Variants in AFF2 observed in about 807,000 individuals in gnomAD.
AFF2 encodes ALF transcription elongation factor 2.
Under a neutral mutation model 76.9 loss-of-function variants are expected in AFF2, and 14 were observed. The observed-to-expected ratio is 0.18, with a 90% confidence interval of 0.12 to 0.28. The LOEUF (loss-of-function observed/expected upper bound fraction) is 0.28. AFF2 is among the 10% of genes least tolerant of loss of function. The pLI is 1.00. For missense variants in AFF2, 868 were observed against 1,001.1 expected (o/e 0.87, Z 1.79); for synonymous variants, 398 against 366.7 (o/e 1.09, Z -0.98).
At chrX:148,766,288 C>G (rs1557267720) in intron 3 of AFF2, among the ~76,000 whole-genome samples, 1 of 109,797 alleles carries the variant, frequency 9.1e-6, no homozygotes, top group African/African-American at 3.3e-5. Flanking sequence ...ACACTGACTT[C>G]CACAATGGTT....
At chrX:148,807,740 T>G (rs781824857) in intron 3 of AFF2, among the ~76,000 whole-genome samples, 15 of 112,792 alleles carry the variant, frequency 1.3e-4, no homozygotes, top group Non-Finnish European at 2.2e-4. Flanking sequence ...AAGCCTTTCT[T>G]ATAATCCTTT....
intron 3 of AFF2, among the ~76,000 whole-genome samples, chrX:148,668,475 C>T (rs1243674805): frequency 6.2e-5 from 7 of 112,598 alleles, no homozygotes; most frequent in African/African-American, 2.3e-4. Context: ...ATGGGGGCCC[C>T]GCCTCTGCAG....
chrX:148,783,049 C>T lies in AFF2; in HGVS notation c.1042-26827C>T, dbSNP rs2069765127. ...TGCTCCAGCCTTCATTTCTGATTCA[C>T]TGTGTTAGGGAGCAAATAACATTGA... On this transcript the variant is annotated intron_variant, in intron 3 of 20. Transcript: ENST00000370460. Among the ~76,000 whole-genome samples, 3 of 111,962 alleles carry T rather than the reference C, an allele frequency of 2.7e-5. No individual in the cohort carries two copies. The Admixed American group carries it at 2.8e-4, about 11-fold the overall frequency.
chrX:148,956,672 C>G (rs1409965553), intron 11 of AFF2, 59 bp downstream of exon 11: 1 of 1,078,002 alleles, frequency 9.3e-7, no homozygotes, highest in African/African-American at 1.9e-5. Context: ...TGTTGTCTAA[C>G]TTGATCTTGA....
chrX:148,787,312 CTGTGTG>C (rs370207937), intron 3 of AFF2, among the ~76,000 whole-genome samples: 22 of 108,131 alleles, frequency 2.0e-4, no homozygotes, highest in East Asian at 1.7e-3. Flanking sequence ...AACATTGCGG[CTGTGTG>C]TGTGTGTGTG....
chrX:148,719,069 G>A, intron 3 of AFF2: 1 of 1,072,357 alleles, frequency 9.3e-7, no homozygotes, highest in East Asian at 3.4e-5. Flanking sequence ...ACAGTTTTGG[G>A]GCAGTCTGGG....
chrX:148,891,722 T>C (rs1244239785), intron 8 of AFF2, among the ~76,000 whole-genome samples: 2 of 111,490 alleles, frequency 1.8e-5, no homozygotes, highest in East Asian at 5.7e-4. Context: ...TTGTGATGCC[T>C]GGGTTCTGAA....
chrX:148,993,295 T>C lies in AFF2; in HGVS notation c.*1963T>C, dbSNP rs2072555208. 3 of 112,772 alleles carry C rather than the reference T, an allele frequency of 2.7e-5. No individual in the cohort carries two copies. Among genetic ancestry groups the C allele is most frequent in the Non-Finnish European group, 5.6e-5 (3 of 53,311 alleles). 9.3% of individuals were successfully genotyped at this position (112,772 alleles called of 1,213,427 possible). ...CATCCAAACACTCACAAATGAAACCTGAAAGAATCTTTTCTGAGCCTCTTA... is the reference window on the plus strand; with the variant it reads ...CATCCAAACACTCACAAATGAAACCCGAAAGAATCTTTTCTGAGCCTCTTA... On this transcript the variant is annotated 3_prime_UTR_variant, in exon 21 of 21. Coordinates refer to ENST00000370460, the MANE Select transcript of AFF2 (RefSeq NM_002025.4).
chrX:148,649,741 C>T (rs1036852066), intron 1 of AFF2, among the ~76,000 whole-genome samples: 1 of 111,992 alleles, frequency 8.9e-6, no homozygotes, highest in African/African-American at 3.2e-5. Flanking sequence ...AGCTGAAGCA[C>T]GTTTCCTTTT....
At chrX:148,721,166 G>C (rs1557263778) in intron 3 of AFF2, among the ~76,000 whole-genome samples, 5 of 112,045 alleles carry the variant, frequency 4.5e-5, no homozygotes, top group Non-Finnish European at 9.4e-5. Flanking sequence ...ATCAAAGTGA[G>C]ATATTCCAAA....
At chrX:148,910,716 C>A (rs2071459001) in intron 9 of AFF2, among the ~76,000 whole-genome samples, 2 of 111,947 alleles carry the variant, frequency 1.8e-5, no homozygotes, top group Non-Finnish European at 1.9e-5. Context: ...GAAACCAAGG[C>A]TGAGTAGAAA....
At chrX:148,779,844 A>G in intron 3 of AFF2, among the ~76,000 whole-genome samples, 1 of 111,758 alleles carries the variant, frequency 8.9e-6, no homozygotes, top group African/African-American at 3.3e-5. Context: ...CATAGTGTTG[A>G]TGGTCTTTAC....
At chrX:148,961,599 A>G (rs1356435463) in intron 12 of AFF2, among the ~76,000 whole-genome samples, 1 of 112,331 alleles carries the variant, frequency 8.9e-6, no homozygotes, top group Non-Finnish European at 1.9e-5. Flanking sequence ...TTTGTGCAAC[A>G]CAGTGGAAGT....
rs782304817 is a variant in AFF2 at position 148,634,782 on chromosome X, A to G, written c.48-17217A>G. On this transcript the variant is annotated intron_variant, in intron 1 of 20. Transcript: ENST00000370460. ...GAGAAGAGTCAGCCTTGCAGAGCTG[A>G]AGTGGCTCAACTCAGCTCTCATGGG... Among the ~76,000 whole-genome samples the G allele has an allele frequency of 4.5e-5, 5 of 112,179 alleles. No homozygotes were observed. In the South Asian group the frequency reaches 1.9e-3, roughly 42 times the overall value.
At chrX:148,709,413 G>A (rs1226853268) in intron 3 of AFF2, among the ~76,000 whole-genome samples, 2 of 111,630 alleles carry the variant, frequency 1.8e-5, no homozygotes, top group South Asian at 3.8e-4. Context: ...TGTATTGAAT[G>A]TATAAATTAG....
chrX:148,773,669 A>AGAAG lies in AFF2; in HGVS notation c.1042-36191_1042-36188dup, dbSNP rs1291323469. ...AGGGAGGGAGGAAGGAAGGAAGGAA[A>AGAAG]GAAGGAAGGAAGGAAGGAAAGAAAG... On this transcript the variant is annotated intron_variant, in intron 3 of 20. Coordinates refer to ENST00000370460, the MANE Select transcript of AFF2 (RefSeq NM_002025.4). Among the ~76,000 whole-genome samples, 640 of 66,436 alleles carry AGAAG rather than the reference A, an allele frequency of 9.6e-3. 18 individuals carry two copies. Among genetic ancestry groups the AGAAG allele is most frequent in the African/African-American group, 0.027 (454 of 16,578 alleles). 57.7% of individuals were successfully genotyped at this position (66,436 alleles called of 115,157 possible). A position where few individuals can be genotyped will look rare whatever the true frequency, so the allele number is the denominator to read the frequency against.
intron 1 of AFF2, among the ~76,000 whole-genome samples, chrX:148,569,871 G>A (rs2053209359): frequency 9.0e-6 from 1 of 111,478 alleles, no homozygotes; most frequent in African/African-American, 3.3e-5. Flanking sequence ...TTGTTTCAGT[G>A]ATTTTTTCAT....
intron 1 of AFF2, among the ~76,000 whole-genome samples, chrX:148,598,388 A>G (rs1356585205): frequency 1.8e-5 from 2 of 111,345 alleles, no homozygotes; most frequent in African/African-American, 6.5e-5. Flanking sequence ...CCTCCCCATA[A>G]ATGAATAAAA....
At chrX:148,660,700 G>A (rs1557257616) in intron 2 of AFF2, among the ~76,000 whole-genome samples, 5 of 112,285 alleles carry the variant, frequency 4.5e-5, no homozygotes. Context: ...CCATCCAGTG[G>A]CCCAGTTGCC....
Sources: gnomAD v4.1 joint callset for allele counts (sites outside exome capture counted in the v4.1 genomes callset) on GRCh38, gnomAD v4.1.1 for gene constraint, MANE v1.5 for transcripts, NCBI Gene and HGNC (gene_info 2026-07-23, HGNC 2026-07-21) for gene names.